Variants in HIF1A observed in about 807,000 individuals in gnomAD.
The protein encoded by HIF1A is hypoxia inducible factor 1 subunit alpha.
Under a neutral mutation model 92.7 loss-of-function variants are expected in HIF1A, and 24 were observed. The ratio of observed to expected loss-of-function variants is 0.26; its 90% confidence interval spans 0.19 to 0.36. The LOEUF (loss-of-function observed/expected upper bound fraction) is 0.36. Among genes scored for constraint, HIF1A ranks in the 10% least tolerant of loss-of-function variants. The probability of loss-of-function intolerance (pLI) is 1.00; values close to 1 mark genes in which losing one functional copy is unlikely to be tolerated. For missense variants in HIF1A, 799 were observed against 998.5 expected (o/e 0.80, Z 2.69); for synonymous variants, 319 against 338.7 (o/e 0.94, Z 0.64).
chr14:61,695,619 A>C lies in HIF1A; in HGVS notation c.-186A>C, dbSNP rs988992669. 5 of 635,046 alleles carry C rather than the reference A, an allele frequency of 7.9e-6. No homozygotes were observed. The highest frequency in any genetic ancestry group is 1.4e-5 in the Non-Finnish European group (5 of 368,822). The allele number at this position is 635,046 out of a possible 1,614,324, so 39.3% of individuals were successfully genotyped here. Reference sequence around the variant, plus strand: ...ACAAGCCACCTGAGGAGAGGCTCGGAGCCGGGCCCGGACCCCGGCGATTGC... The same window carrying C: ...ACAAGCCACCTGAGGAGAGGCTCGGCGCCGGGCCCGGACCCCGGCGATTGC... On this transcript the variant is annotated 5_prime_UTR_variant, in exon 1 of 15. Transcript: ENST00000337138.
intron 2 of HIF1A, 29 bp from the exon 3 acceptor site, chr14:61,721,476 CTAAT>C (rs747804726): frequency 1.9e-6 from 3 of 1,569,418 alleles, no homozygotes; most frequent in East Asian, 2.2e-5. Context: ...AACTTTTTAA[CTAAT>C]TATTTTCCTC....
At chr14:61,738,744 T>G (rs564755450) in intron 10 of HIF1A, among the ~76,000 whole-genome samples, 1 of 152,150 alleles carries the variant, frequency 6.6e-6, no homozygotes, top group South Asian at 2.1e-4. Flanking sequence ...TTTAGTTTGT[T>G]TTATTGTGTT....
chr14:61,729,484 A>C (rs968989031), intron 6 of HIF1A, among the ~76,000 whole-genome samples: 12 of 151,774 alleles, frequency 7.9e-5, no homozygotes, highest in Non-Finnish European at 1.3e-4. Context: ...CAAAACAAAA[A>C]AAAGACCTCA....
chr14:61,738,748 T>C (rs1344289246), intron 10 of HIF1A, among the ~76,000 whole-genome samples: 1 of 152,130 alleles, frequency 6.6e-6, no homozygotes. Context: ...GTTTGTTTTA[T>C]TGTGTTTTGT....
At chr14:61,726,177 C>T (rs2044501309) in intron 4 of HIF1A, among the ~76,000 whole-genome samples, 1 of 151,430 alleles carries the variant, frequency 6.6e-6, no homozygotes, top group African/African-American at 2.4e-5. Flanking sequence ...CTCATAGTAA[C>T]AAAGTAGAAG....
In HIF1A at chr14:61,727,435, T is replaced by C. The variant is rs994368192; in HGVS notation, c.571-18T>C. On this transcript the variant is annotated intron_variant, in intron 5 of 14. Coordinates refer to ENST00000337138, the MANE Select transcript of HIF1A (RefSeq NM_001530.4). ...CATTGTAAATATTTTTTTTAACTGC[T>C]TTGTTCTTCATACACAGGTATTGCA... The C allele has an allele frequency of 1.6e-5, 26 of 1,585,106 alleles. No individual in the cohort carries two copies. Among genetic ancestry groups the C allele is most frequent in the Non-Finnish European group, 2.2e-5 (25 of 1,154,194 alleles).
At chr14:61,724,376 T>TCTCTCTCTCTCTCTCTCTCTCC (rs1176630262) in intron 4 of HIF1A, among the ~76,000 whole-genome samples, 2 of 150,286 alleles carry the variant, frequency 1.3e-5, no homozygotes, top group South Asian at 4.3e-4. Flanking sequence ...TCTCTCTCTC[T>TCTCTCTCTCTCTCTCTCTCTCC]CTCTCCCCCT....
At chr14:61,731,174 T>C (rs1173914385) in intron 6 of HIF1A, among the ~76,000 whole-genome samples, 1 of 152,158 alleles carries the variant, frequency 6.6e-6, no homozygotes, top group Admixed American at 6.5e-5. Flanking sequence ...AGGGTTTTTT[T>C]TTTGACACAC....
At chr14:61,707,372 T>C (rs573544417) in intron 1 of HIF1A, among the ~76,000 whole-genome samples, 3 of 152,254 alleles carry the variant, frequency 2.0e-5, no homozygotes, top group African/African-American at 4.8e-5. Flanking sequence ...TAGTTACATA[T>C]GTATACATGT....
At position 61,736,980 on chromosome 14, in the gene HIF1A, C is replaced by T. The variant is rs2044645644; in HGVS notation, c.1120C>T (p.Leu374=). ...ATCTTCAGATATGAAAATGACTCAG[C>T]TATTCACCAAAGTTGAATCAGAAGA... ...VESSDMKMTQ[L]FTKVESEDTS... is the part of the protein sequence containing the mutation. The change falls in exon 9 of 15, where the codon CTA becomes TTA. Residue 374 remains leucine, a synonymous_variant. Coordinates refer to ENST00000337138, the MANE Select transcript of HIF1A (RefSeq NM_001530.4). 1 of 1,613,136 alleles carries T rather than the reference C, an allele frequency of 6.2e-7. No homozygotes were observed.
chr14:61,728,340 A>T (rs1441135132), intron 6 of HIF1A, among the ~76,000 whole-genome samples: 1 of 152,196 alleles, frequency 6.6e-6, no homozygotes, highest in Non-Finnish European at 1.5e-5. Flanking sequence ...ATTTTCCCTG[A>T]GAAGCTTCAA....
intron 12 of HIF1A, among the ~76,000 whole-genome samples, chr14:61,741,441 C>T (rs1442969138): frequency 6.6e-6 from 1 of 150,574 alleles, no homozygotes; most frequent in Non-Finnish European, 1.5e-5. Flanking sequence ...TCTCAGCTCA[C>T]GGCAACCTCT....
At chr14:61,702,439 CAAAAA>C (rs149442775) in intron 1 of HIF1A, among the ~76,000 whole-genome samples, 2 of 78,790 alleles carry the variant, frequency 2.5e-5, no homozygotes. Context: ...ATGCTGTCTC[CAAAAA>C]AAAAAAAAAA....
At position 61,727,479 on chromosome 14, in the gene HIF1A, C is replaced by G; in HGVS notation, c.597C>G (p.His199Gln). ...TATTGCACTGCACAGGCCACATTCA[C>G]GTATATGATACCAACAGTAACCAAC... Reference protein sequence around the residue: ...WKVLHCTGHIHVYDTNSNQPQ... With the variant: ...WKVLHCTGHIQVYDTNSNQPQ... Residue 199 changes from histidine to glutamine, a missense_variant, in exon 6 of 15, where the codon CAC becomes CAG. His to Gln is a conservative substitution (Grantham distance 24). Transcript: ENST00000337138. The G allele has an allele frequency of 6.2e-7, 1 of 1,613,438 alleles. No individual in the cohort carries two copies. Among genetic ancestry groups the G allele is most frequent in the Non-Finnish European group, 8.5e-7 (1 of 1,179,558 alleles).
At chr14:61,700,756 A>AC (rs2044168439) in intron 1 of HIF1A, among the ~76,000 whole-genome samples, 1 of 152,254 alleles carries the variant, frequency 6.6e-6, no homozygotes, top group Non-Finnish European at 1.5e-5. Context: ...CCAACAGTGC[A>AC]CAAGGGTTCC....
In HIF1A at chr14:61,734,278, G is replaced by C. The variant is rs142614329; in HGVS notation, c.1021G>C (p.Val341Leu). 3 of 1,604,736 alleles carry C rather than the reference G, an allele frequency of 1.9e-6. No homozygotes were observed. Among genetic ancestry groups the C allele is most frequent in the Non-Finnish European group, 2.6e-6 (3 of 1,176,020 alleles). Residue 341 changes from valine to leucine, a missense_variant, in exon 8 of 15, where the codon GTT becomes CTT. Val to Leu is a conservative substitution (Grantham distance 32). Coordinates refer to ENST00000337138, the MANE Select transcript of HIF1A (RefSeq NM_001530.4). ...QPQCIVCVNYVVSGIIQHDLI... is the reference protein window; with the variant it reads ...QPQCIVCVNYLVSGIIQHDLI... ...ACAGTGCATTGTATGTGTGAATTAC[G>C]TTGTGAGGTAAGTAAGTTTGAGAAA...
intron 8 of HIF1A, among the ~76,000 whole-genome samples, chr14:61,735,480 A>G (rs1242851531): frequency 1.3e-5 from 2 of 152,302 alleles, no homozygotes; most frequent in East Asian, 3.9e-4. Context: ...CCCAAGTATC[A>G]GCTTGTTAGC....
In HIF1A at chr14:61,734,173, A is replaced by T; in HGVS notation, c.916A>T (p.Arg306Trp). Residue 306 changes from arginine to tryptophan, a missense_variant, in exon 8 of 15, where the codon AGG (arginine) becomes TGG (tryptophan). This residue lies in a region of HIF1A where 516 missense variants were observed against 721.0 expected (regional missense o/e 0.72). Coordinates refer to ENST00000337138, the MANE Select transcript of HIF1A (RefSeq NM_001530.4). ...TKGQVTTGQY[R>W]MLAKRGGYVW... ...AGGACAAGTCACCACAGGACAGTAC[A>T]GGATGCTTGCCAAAAGAGGTGGATA... 6.2e-7 allele frequency: 1 copy of T among 1,613,034 alleles called. No homozygotes were observed. The highest frequency in any genetic ancestry group is 8.5e-7 in the Non-Finnish European group (1 of 1,179,166).
intron 8 of HIF1A, among the ~76,000 whole-genome samples, chr14:61,736,021 T>C (rs1316102048): frequency 1.4e-5 from 2 of 148,046 alleles, no homozygotes; most frequent in African/African-American, 5.0e-5. Context: ...GGAGTCTCAC[T>C]GTCACCCAGG....
Sources: gnomAD v4.1 joint callset for allele counts (sites outside exome capture counted in the v4.1 genomes callset) on GRCh38, gnomAD v4.1.1 for gene constraint, gnomAD v4.1.1 regional missense constraint, MANE v1.5 for transcripts, NCBI Gene and HGNC (gene_info 2026-07-23, HGNC 2026-07-21) for gene names.